Variants in AGO2 observed in about 807,000 individuals in gnomAD.
AGO2 encodes the protein argonaute RISC catalytic component 2, also known as protein argonaute-2.
In AGO2, 5 loss-of-function variants were observed where a neutral mutation model predicts 102.3. The ratio of observed to expected loss-of-function variants is 0.05; its 90% CI spans 0.03 to 0.10. AGO2 has a LOEUF of 0.10. Among genes scored for constraint, AGO2 ranks in the 10% least tolerant of loss-of-function variants. The pLI, the probability that AGO2 is intolerant of heterozygous loss-of-function variation, is 1.00. For missense variants in AGO2, 541 were observed against 1,183.7 expected (o/e 0.46, Z 7.97); for synonymous variants, 449 against 473.1 (o/e 0.95, Z 0.66).
intron 1 of AGO2, among the ~76,000 whole-genome samples, chr8:140,619,994 T>C (rs904779939): frequency 2.6e-5 from 4 of 152,048 alleles, no homozygotes; most frequent in African/African-American, 2.4e-5. Flanking sequence ...CATCCTCCAA[T>C]AAAATAACAG....
At chr8:140,534,256 C>T (rs546670633) in intron 17 of AGO2, among the ~76,000 whole-genome samples, 1 of 152,354 alleles carries the variant, frequency 6.6e-6, no homozygotes, top group East Asian at 1.9e-4. Flanking sequence ...ATAAATAGCT[C>T]ACCAGAGAAG....
At chr8:140,596,408 A>G (rs1588491189) in intron 1 of AGO2, among the ~76,000 whole-genome samples, 1 of 152,202 alleles carries the variant, frequency 6.6e-6, no homozygotes, top group East Asian at 1.9e-4. Flanking sequence ...ACATGGTGAA[A>G]CCCCGTCTCT....
In AGO2 at chr8:140,524,610, G is replaced by A. The variant is rs569899294; in HGVS notation, c.*7434C>T. On this transcript the variant is annotated 3_prime_UTR_variant, in exon 19 of 19. Coordinates refer to ENST00000220592, the MANE Select transcript of AGO2 (RefSeq NM_012154.5). ...AACATGATTCTGAAAGGACACTGAG[G>A]ACCGGACTTTAAAGGCACAGAGTCT... 1.6e-4 allele frequency: 24 copies of A among 152,464 alleles called. No homozygotes were observed. The highest frequency in any genetic ancestry group is 5.8e-4 in the African/African-American group (24 of 41,560). The allele number at this position is 152,464 out of a possible 1,614,324, so 9.4% of individuals were successfully genotyped here. A position where few individuals can be genotyped will look rare whatever the true frequency, so the allele number is the denominator to read the frequency against.
upstream of AGO2, among the ~76,000 whole-genome samples, chr8:140,639,499 G>A (rs562896087): frequency 7.2e-6 from 1 of 138,212 alleles, no homozygotes; most frequent in South Asian, 2.3e-4. Context: ...AAAAAACTAA[G>A]CAGGCCATAT....
chr8:140,553,960 C>T (rs2073050889), intron 10 of AGO2, among the ~76,000 whole-genome samples: 2 of 152,246 alleles, frequency 1.3e-5, no homozygotes, highest in Non-Finnish European at 2.9e-5. Flanking sequence ...CCTTGGCCTC[C>T]CAAAGTGCTG....
intron 3 of AGO2, among the ~76,000 whole-genome samples, chr8:140,562,959 C>T (rs902897695): frequency 6.6e-6 from 1 of 152,182 alleles, no homozygotes; most frequent in Non-Finnish European, 1.5e-5. Context: ...GTCTCTGAAT[C>T]GCCCCGTCCC....
chr8:140,602,530 G>A (rs967733053), intron 1 of AGO2, among the ~76,000 whole-genome samples: 15 of 152,170 alleles, frequency 9.9e-5, no homozygotes, highest in Non-Finnish European at 1.5e-4. Flanking sequence ...AACAGACTCC[G>A]TGAAATAAGC....
At chr8:140,603,819 C>T (rs954831711) in intron 1 of AGO2, among the ~76,000 whole-genome samples, 1 of 152,238 alleles carries the variant, frequency 6.6e-6, no homozygotes, top group Non-Finnish European at 1.5e-5. Context: ...TGCAACTGTG[C>T]GGCCTCTTCC....
At chr8:140,551,542 C>T in intron 10 of AGO2, 106 bp from the exon 11 acceptor site, 2 of 1,293,886 alleles carry the variant, frequency 1.5e-6, no homozygotes, top group Non-Finnish European at 2.0e-6. Flanking sequence ...ACAACTGCTT[C>T]TCAGGGAAAG....
intron 1 of AGO2, among the ~76,000 whole-genome samples, chr8:140,620,864 GA>G (rs961748589): frequency 1.3e-5 from 2 of 150,162 alleles, no homozygotes; most frequent in Non-Finnish European, 3.0e-5. Context: ...CCAAGAAAAA[GA>G]AAAAAAAAAT....
At chr8:140,588,132 G>A (rs1227939747) in intron 1 of AGO2, among the ~76,000 whole-genome samples, 1 of 152,178 alleles carries the variant, frequency 6.6e-6, no homozygotes, top group Non-Finnish European at 1.5e-5. Flanking sequence ...CAGGTGGCAC[G>A]CCCTGCCACA....
intron 1 of AGO2, among the ~76,000 whole-genome samples, chr8:140,599,379 G>A (rs2073897054): frequency 6.6e-6 from 1 of 152,166 alleles, no homozygotes; most frequent in Admixed American, 6.5e-5. Context: ...AACGCGTGCT[G>A]GAATCTGAAA....
At position 140,547,461 on chromosome 8, in the gene AGO2, G is replaced by A. The variant is rs749430695; in HGVS notation, c.1748+7C>T. On this transcript the variant is annotated splice_region_variant and intron_variant, in intron 13 of 18. Transcript: ENST00000220592. Reference sequence around the variant, plus strand: ...CCGCAGGCGGAGGTAAAGGGGCCGGGCCTCACCTGCCCTGGGGCAGCAGGA... The same window carrying A: ...CCGCAGGCGGAGGTAAAGGGGCCGGACCTCACCTGCCCTGGGGCAGCAGGA... The A allele has an allele frequency of 1.2e-5, 19 of 1,613,146 alleles. No homozygotes were observed. The highest frequency in any genetic ancestry group is 2.2e-5 in the East Asian group (1 of 44,886).
intron 1 of AGO2, among the ~76,000 whole-genome samples, chr8:140,602,210 C>A (rs1185060307): frequency 6.6e-6 from 1 of 152,150 alleles, no homozygotes; most frequent in Admixed American, 6.5e-5. Context: ...AAATAAATAT[C>A]ATGAAGGGAA....
At chr8:140,578,432 C>T (rs2073500295) in intron 2 of AGO2, among the ~76,000 whole-genome samples, 1 of 152,202 alleles carries the variant, frequency 6.6e-6, no homozygotes, top group African/African-American at 2.4e-5. Context: ...GAAACTGTAC[C>T]TGTGAGGCAC....
At chr8:140,613,151 G>A (rs2074102416) in intron 1 of AGO2, among the ~76,000 whole-genome samples, 1 of 152,106 alleles carries the variant, frequency 6.6e-6, no homozygotes, top group Non-Finnish European at 1.5e-5. Context: ...AGTGAGCCGA[G>A]ATAGCGCCAC....
At chr8:140,560,682 G>A (rs1180736530) in intron 4 of AGO2, among the ~76,000 whole-genome samples, 172 bp from the exon 5 acceptor site, 1 of 152,244 alleles carries the variant, frequency 6.6e-6, no homozygotes, top group Admixed American at 6.5e-5. Context: ...ATGGCCTGCT[G>A]TGTGGGACAC....
chr8:140,544,844 C>A (rs947480971), intron 13 of AGO2, among the ~76,000 whole-genome samples: 24 of 152,342 alleles, frequency 1.6e-4, no homozygotes, highest in South Asian at 2.1e-4. Context: ...CCATGGAGAA[C>A]TTTCAGACCC....
Position 140,549,137 on chromosome 8 carries a change from A to G in AGO2, c.1565T>C (p.Leu522Pro). The change falls in exon 12 of 19, where the codon CTG becomes CCG. Residue 522 changes from leucine to proline, a missense_variant. Around this residue, in one of 6 missense-constraint regions of AGO2, gnomAD observed 309 missense variants for 735.1 expected, o/e 0.42. Coordinates refer to ENST00000220592, the MANE Select transcript of AGO2 (RefSeq NM_012154.5). ...ACCGTACACGGGCGTCTTGCCGGGCAGGATGACCACCACCAGCTGCAGGCC... is the reference window on the plus strand; with the variant it reads ...ACCGTACACGGGCGTCTTGCCGGGCGGGATGACCACCACCAGCTGCAGGCC... ...YAGLQLVVVI[L>P]PGKTPVYAEV... 1 of 1,611,022 alleles carries G rather than the reference A, an allele frequency of 6.2e-7. No individual in the cohort carries two copies. The highest frequency in any genetic ancestry group is 8.5e-7 in the Non-Finnish European group (1 of 1,178,532).
Sources: allele counts gnomAD v4.1 joint callset (sites outside exome capture counted in the v4.1 genomes callset), GRCh38; gene constraint gnomAD v4.1.1; regional missense constraint gnomAD v4.1.1; transcripts MANE v1.5; gene names NCBI Gene and HGNC (gene_info 2026-07-23, HGNC 2026-07-21).